SNTG2: variants seen among roughly 807,000 people sequenced by gnomAD.
SNTG2 encodes syntrophin gamma 2.
SNTG2 carries 74 observed loss-of-function variants against 70.9 expected under a neutral mutation model. That is an observed-to-expected ratio of 1.04 (90% CI 0.86 to 1.27). The LOEUF is 1.27. Among genes scored for constraint, SNTG2 ranks in the 50% most tolerant of loss-of-function variants. SNTG2 has a pLI of 0.00. For synonymous variants in SNTG2, 278 were observed against 273.8 expected (o/e 1.02, Z -0.15); for missense variants, 717 against 690.7 (o/e 1.04, Z -0.43).
At chr2:1,298,924 G>A (rs1680333221) in intron 14 of SNTG2, among the ~76,000 whole-genome samples, 1 of 152,150 alleles carries the variant, frequency 6.6e-6, no homozygotes, top group African/African-American at 2.4e-5. Context: ...CCCATGCTGG[G>A]TGCTTCCTGC....
rs1313416947 is a variant in SNTG2, at chr2:1,197,501, G to A, written c.592-11602G>A. Among the ~76,000 whole-genome samples the A allele has an allele frequency of 6.1e-4, 67 of 109,180 alleles. 1 individual carries two copies. Among genetic ancestry groups the A allele is most frequent in the Admixed American group, 1.3e-3 (11 of 8,528 alleles). 71.6% of individuals were successfully genotyped at this position (109,180 alleles called of 152,430 possible). A position where few individuals can be genotyped will look rare whatever the true frequency, so the allele number is the denominator to read the frequency against. On this transcript the variant is annotated intron_variant, in intron 8 of 16. Coordinates refer to ENST00000308624, the MANE Select transcript of SNTG2 (RefSeq NM_018968.4). Reference sequence around the variant, plus strand: ...TATATATATATGTGTATGTATATATGTGTATGTATATATATGTGTGTGTGT... The same window carrying A: ...TATATATATATGTGTATGTATATATATGTATGTATATATATGTGTGTGTGT...
chr2:977,389 C>T (rs771315346), intron 1 of SNTG2, among the ~76,000 whole-genome samples: 11 of 152,158 alleles, frequency 7.2e-5, no homozygotes, highest in Non-Finnish European at 8.8e-5. Context: ...CCTGTGCCCA[C>T]GGCCTGCTTT....
intron 6 of SNTG2, among the ~76,000 whole-genome samples, chr2:1,147,865 A>G (rs550998229): frequency 9.8e-5 from 15 of 152,362 alleles, no homozygotes; most frequent in African/African-American, 3.1e-4. Context: ...TTCCGAAAAC[A>G]TTGCTGCTAA....
At chr2:1,183,505 A>G (rs1179632309) in intron 8 of SNTG2, among the ~76,000 whole-genome samples, 1 of 152,186 alleles carries the variant, frequency 6.6e-6, no homozygotes, top group African/African-American at 2.4e-5. Context: ...ACATTCTTGC[A>G]TCATTTCATG....
chr2:1,293,289 A>ATT lies in SNTG2; in HGVS notation c.1285-15201_1285-15200dup, dbSNP rs1339691874. On this transcript the variant is annotated intron_variant, in intron 14 of 16. Transcript: ENST00000308624. ...ATAAAGCATTGCCATTTTAAAAAAT[A>ATT]TTTTTGAAGAATCAAGTTTTGCATC... 2.0e-5 allele frequency among the ~76,000 whole-genome samples: 3 copies of ATT among 151,656 alleles called. No homozygotes were observed. In the East Asian group the frequency reaches 5.8e-4, roughly 29 times the overall value.
chr2:1,079,756 C>G (rs778817137), intron 1 of SNTG2, among the ~76,000 whole-genome samples: 1 of 152,134 alleles, frequency 6.6e-6, no homozygotes, highest in South Asian at 2.1e-4. Context: ...GACAATTAAC[C>G]GGTAGCAATG....
chr2:986,192 G>A (rs1189081620), intron 1 of SNTG2, among the ~76,000 whole-genome samples: 3 of 151,454 alleles, frequency 2.0e-5, no homozygotes, highest in African/African-American at 7.3e-5. Context: ...CTGAGCACAG[G>A]CAGCTCATTT....
chr2:1,067,135 C>CA (rs35467522), intron 1 of SNTG2, among the ~76,000 whole-genome samples: 6,157 of 132,824 alleles, frequency 0.046, 133 homozygotes, highest in Middle Eastern at 0.054. Context: ...AAGTCACTAG[C>CA]AAAAAAAAAA....
intron 11 of SNTG2, among the ~76,000 whole-genome samples, chr2:1,241,569 C>T (rs1449236809): frequency 1.3e-5 from 2 of 152,148 alleles, no homozygotes; most frequent in Non-Finnish European, 2.9e-5. Flanking sequence ...GCGCTGCACC[C>T]AGTAACTCAT....
At chr2:1,062,548 AAAAT>A (rs1662890467) in intron 1 of SNTG2, among the ~76,000 whole-genome samples, 1 of 152,242 alleles carries the variant, frequency 6.6e-6, no homozygotes, top group African/African-American at 2.4e-5. Flanking sequence ...AGAAAAAAGA[AAAAT>A]AAGAGATGTA....
intron 6 of SNTG2, among the ~76,000 whole-genome samples, chr2:1,162,381 C>T (rs1043765836): frequency 1.3e-5 from 2 of 152,170 alleles, no homozygotes; most frequent in Non-Finnish European, 2.9e-5. Flanking sequence ...CTGTGTGTGG[C>T]CTGGTCCTTT....
intron 14 of SNTG2, 83 bp downstream of exon 14, chr2:1,267,654 C>T (rs12997053): frequency 0.25 from 317,965 of 1,248,588 alleles, 44,162 homozygotes; most frequent in African/African-American, 0.47. Flanking sequence ...AGCAGTTTAT[C>T]GGGGGAAAAG....
intron 1 of SNTG2, chr2:1,059,439 A>C (rs570370384): frequency 2.0e-5 from 3 of 152,200 alleles, no homozygotes; most frequent in African/African-American, 4.8e-5. Flanking sequence ...TACAATGTGA[A>C]GTTTACTAGA....
intron 15 of SNTG2, among the ~76,000 whole-genome samples, chr2:1,309,708 C>T (rs1254132885): frequency 6.6e-6 from 1 of 152,218 alleles, no homozygotes; most frequent in East Asian, 1.9e-4. Flanking sequence ...TTAATGGAGT[C>T]ATTGTTCCCC....
intron 9 of SNTG2, 57 bp downstream of exon 9, chr2:1,209,287 G>T (rs760010948): frequency 1.9e-6 from 3 of 1,607,362 alleles, no homozygotes; most frequent in South Asian, 2.2e-5. Context: ...ACTTTTGCCA[G>T]TTCCTACAGG....
intron 12 of SNTG2, among the ~76,000 whole-genome samples, chr2:1,254,110 G>A (rs906818062): frequency 5.3e-5 from 8 of 152,146 alleles, no homozygotes; most frequent in African/African-American, 1.7e-4. Context: ...AGATTTGGGC[G>A]GAGTCACAGA....
intron 9 of SNTG2, among the ~76,000 whole-genome samples, chr2:1,224,331 ACT>A (rs1264960497): frequency 6.6e-6 from 1 of 151,940 alleles, no homozygotes; most frequent in Non-Finnish European, 1.5e-5. Context: ...TGGAAGTCAC[ACT>A]CTTCAAAAAC....
At chr2:1,285,663 T>C (rs1464872402) in intron 14 of SNTG2, among the ~76,000 whole-genome samples, 1 of 152,248 alleles carries the variant, frequency 6.6e-6, no homozygotes, top group African/African-American at 2.4e-5. Context: ...GAGGAAATGC[T>C]CATGACAATT....
intron 1 of SNTG2, among the ~76,000 whole-genome samples, chr2:958,847 C>CA (rs1660254483): frequency 6.6e-6 from 1 of 152,054 alleles, no homozygotes; most frequent in African/African-American, 2.4e-5. Context: ...GTTATAGTAT[C>CA]AAACATGCCT....
Sources: allele counts gnomAD v4.1 joint callset (sites outside exome capture counted in the v4.1 genomes callset), GRCh38; gene constraint gnomAD v4.1.1; transcripts MANE v1.5; gene names NCBI Gene and HGNC (gene_info 2026-07-23, HGNC 2026-07-21).